The following NEO1 variants were observed in gnomAD, a reference collection of about 807,000 sequenced individuals.
NEO1 encodes neogenin 1, also known as neogenin.
A neutral mutation model predicts 159.7 loss-of-function variants in NEO1; 63 were observed. That is an observed-to-expected ratio of 0.39 (90% CI 0.32 to 0.49). The LOEUF (loss-of-function observed/expected upper bound fraction) is 0.49. Ranked by LOEUF, NEO1 falls within the 20% of genes least tolerant of loss-of-function variation. The pLI, the probability that NEO1 is intolerant of heterozygous loss-of-function variation, is 0.85. For missense variants in NEO1, 1,615 were observed against 1,831.0 expected (o/e 0.88, Z 2.15); for synonymous variants, 633 against 662.0 (o/e 0.96, Z 0.67).
chr15:73,194,767 A>G (rs1450448251), intron 7 of NEO1, among the ~76,000 whole-genome samples: 1 of 152,210 alleles, frequency 6.6e-6, no homozygotes, highest in Non-Finnish European at 1.5e-5. Context: ...TGTTTCTACA[A>G]AAGAAGATGG....
chr15:73,236,005 T>G lies in NEO1; in HGVS notation c.1292-342T>G, dbSNP rs149703874. ...GTGCCTTCTGTGAGAAGTTTTATTC[T>G]CAGCTGTCACCCTCCTTGTCCCTTG... is the stretch of plus-strand genomic sequence containing the variant. On this transcript the variant is annotated intron_variant, in intron 7 of 28. Transcript: ENST00000261908. Among the ~76,000 whole-genome samples the G allele has an allele frequency of 1.8e-3, 275 of 152,330 alleles. 1 individual carries two copies. The highest frequency in any genetic ancestry group is 6.4e-3 in the African/African-American group (268 of 41,584).
chr15:73,108,839 G>A lies in NEO1; in HGVS notation c.131-7701G>A, dbSNP rs538421065. On this transcript the variant is annotated intron_variant, in intron 1 of 28. Coordinates refer to ENST00000261908, the MANE Select transcript of NEO1 (RefSeq NM_002499.4). ...TGCAGGGCAAGTGTTCCAGGCAGAG[G>A]GGATGGCACATGCGGAGGCCCCAGC... Among the ~76,000 whole-genome samples the A allele has an allele frequency of 5.9e-5, 9 of 152,246 alleles. No individual in the cohort carries two copies. The South Asian group carries it at 1.9e-3, about 32-fold the overall frequency.
rs186215582 is a variant in NEO1, at chr15:73,195,010, G to A, written c.1291+16583G>A. ...TTAAAGTATGAATAATTTGTTTGAT[G>A]TTGAACATCAATTTCATCTTTGCCA... On this transcript the variant is annotated intron_variant, in intron 7 of 28. Coordinates refer to ENST00000261908, the MANE Select transcript of NEO1 (RefSeq NM_002499.4). Among the ~76,000 whole-genome samples the A allele has an allele frequency of 3.3e-5, 5 of 152,290 alleles. No individual in the cohort carries two copies. The East Asian group carries it at 9.7e-4, about 29-fold the overall frequency.
At chr15:73,191,121 C>T (rs1373642169) in intron 7 of NEO1, among the ~76,000 whole-genome samples, 1 of 151,932 alleles carries the variant, frequency 6.6e-6, no homozygotes. Context: ...TGTCATAACT[C>T]GTATAATGAA....
At chr15:73,162,216 T>G (rs2151890875) in intron 5 of NEO1, 1 of 213,894 alleles carries the variant, frequency 4.7e-6, no homozygotes, top group East Asian at 1.1e-4. Flanking sequence ...TCTAAGCCTC[T>G]TCACCTTCCT....
At chr15:73,176,751 A>C (rs2035300014) in intron 6 of NEO1, among the ~76,000 whole-genome samples, 194 bp downstream of exon 6, 1 of 152,178 alleles carries the variant, frequency 6.6e-6, no homozygotes, top group Non-Finnish European at 1.5e-5. Flanking sequence ...AGCTTATGTA[A>C]GATCACATAG....
At chr15:73,173,195 C>G (rs1567383784) in intron 5 of NEO1, among the ~76,000 whole-genome samples, 1 of 152,138 alleles carries the variant, frequency 6.6e-6, no homozygotes, top group Non-Finnish European at 1.5e-5. Context: ...TCTTGTTTGT[C>G]TGTTTGCTTT....
intron 2 of NEO1, 50 bp from the exon 3 acceptor site, chr15:73,122,475 T>C: frequency 6.5e-7 from 1 of 1,548,488 alleles, no homozygotes; most frequent in South Asian, 1.2e-5. Flanking sequence ...GACAAAATTT[T>C]AAAGTAATAT....
intron 1 of NEO1, among the ~76,000 whole-genome samples, chr15:73,072,103 A>C (rs189286195): frequency 2.0e-5 from 3 of 152,112 alleles, no homozygotes; most frequent in African/African-American, 7.2e-5. Flanking sequence ...GGCATGTGCC[A>C]CTACACTCAG....
intron 5 of NEO1, among the ~76,000 whole-genome samples, chr15:73,173,064 A>C (rs2151940678): frequency 6.6e-6 from 1 of 152,296 alleles, no homozygotes; most frequent in Non-Finnish European, 1.5e-5. Context: ...GTCTCCCATA[A>C]ATTTTATTTA....
chr15:73,276,330 C>T (rs1282878283), intron 21 of NEO1, among the ~76,000 whole-genome samples: 1 of 152,208 alleles, frequency 6.6e-6, no homozygotes, highest in African/African-American at 2.4e-5. Context: ...CAATTAGGTA[C>T]ATAATCCAAT....
At chr15:73,242,981 G>T (rs1020879816) in intron 8 of NEO1, among the ~76,000 whole-genome samples, 6 of 152,200 alleles carry the variant, frequency 3.9e-5, no homozygotes, top group Non-Finnish European at 5.9e-5. Context: ...GATCATCCAT[G>T]ATCAGACCAA....
chr15:73,100,481 T>A (rs1275394852), intron 1 of NEO1, among the ~76,000 whole-genome samples: 1 of 152,074 alleles, frequency 6.6e-6, no homozygotes, highest in East Asian at 1.9e-4. Flanking sequence ...ATTACAGGTG[T>A]GTGCCACCAT....
At position 73,274,741 on chromosome 15, in the gene NEO1, C is replaced by A. The variant is rs374947088; in HGVS notation, c.3193+17C>A. 1.2e-6 allele frequency: 2 copies of A among 1,606,356 alleles called. No homozygotes were observed. The highest frequency in any genetic ancestry group is 1.7e-6 in the Non-Finnish European group (2 of 1,175,358). On this transcript the variant is annotated intron_variant, in intron 21 of 28. Transcript: ENST00000261908. ...ATGATCAAGGTAAATGAGTAGATGG[C>A]CTCTCTTTTCTTTCCTTTCTTTTGT... is the stretch of plus-strand genomic sequence containing the variant.
At chr15:73,193,152 A>G (rs2036331558) in intron 7 of NEO1, among the ~76,000 whole-genome samples, 1 of 152,096 alleles carries the variant, frequency 6.6e-6, no homozygotes, top group South Asian at 2.1e-4. Flanking sequence ...GTTAAGTATA[A>G]TTTATTAAAA....
intron 27 of NEO1, among the ~76,000 whole-genome samples, chr15:73,299,462 T>C (rs2042518610): frequency 6.6e-6 from 1 of 151,956 alleles, no homozygotes; most frequent in African/African-American, 2.4e-5. Context: ...CTCGGCTCAC[T>C]GCAAGCTCCG....
intron 7 of NEO1, among the ~76,000 whole-genome samples, chr15:73,206,232 A>G (rs902050015): frequency 1.3e-5 from 2 of 152,014 alleles, no homozygotes; most frequent in Non-Finnish European, 2.9e-5. Flanking sequence ...ATAACAGCTT[A>G]TTCTTGTTTT....
chr15:73,157,959 T>C (rs1323843753), intron 5 of NEO1, among the ~76,000 whole-genome samples: 1 of 152,186 alleles, frequency 6.6e-6, no homozygotes, highest in African/African-American at 2.4e-5. Context: ...CTCACATCTG[T>C]AATCCCAGCA....
At chr15:73,106,986 C>G (rs2070728363) in intron 1 of NEO1, among the ~76,000 whole-genome samples, 2 of 152,102 alleles carry the variant, frequency 1.3e-5, no homozygotes, top group African/African-American at 4.8e-5. Flanking sequence ...CTGGTTTTAC[C>G]CTCAGTCCCT....
Sources: gnomAD v4.1 joint callset for allele counts (sites outside exome capture counted in the v4.1 genomes callset) on GRCh38, gnomAD v4.1.1 for gene constraint, MANE v1.5 for transcripts, NCBI Gene and HGNC (gene_info 2026-07-23, HGNC 2026-07-21) for gene names.